ARFGEF1: variants seen among roughly 807,000 people sequenced by gnomAD.
ARFGEF1 encodes brefeldin A-inhibited guanine nucleotide-exchange protein 1.
In ARFGEF1, 42 loss-of-function variants were observed where a neutral mutation model predicts 231.0. The ratio of observed to expected loss-of-function variants is 0.18; its 90% CI spans 0.14 to 0.24. The LOEUF (loss-of-function observed/expected upper bound fraction) is 0.24. ARFGEF1 is among the 10% of genes least tolerant of loss of function. The pLI, the probability that ARFGEF1 is intolerant of heterozygous loss-of-function variation, is 1.00. For synonymous variants in ARFGEF1, 710 were observed against 732.3 expected (o/e 0.97, Z 0.49); for missense variants, 1,345 against 2,192.0 (o/e 0.61, Z 7.72).
At chr8:67,337,700 C>T (rs1808412765) in intron 1 of ARFGEF1, among the ~76,000 whole-genome samples, 1 of 152,194 alleles carries the variant, frequency 6.6e-6, no homozygotes, top group South Asian at 2.1e-4. Context: ...CCACTTATGT[C>T]ACTTCTTTGC....
At chr8:67,226,310 A>G in intron 27 of ARFGEF1, 127 bp from the exon 28 acceptor site, 1 of 865,716 alleles carries the variant, frequency 1.2e-6, no homozygotes, top group Non-Finnish European at 1.7e-6. Context: ...CATCCAACAG[A>G]TACGAAGTTC....
chr8:67,222,220 T>TACAC (rs1563846483), intron 29 of ARFGEF1, among the ~76,000 whole-genome samples: 3 of 120,820 alleles, frequency 2.5e-5, no homozygotes, highest in African/African-American at 9.8e-5. Context: ...CACATATATA[T>TACAC]ATATGTATAT....
intron 7 of ARFGEF1, among the ~76,000 whole-genome samples, chr8:67,287,371 G>A (rs1020961335): frequency 6.6e-6 from 1 of 152,186 alleles, no homozygotes; most frequent in African/African-American, 2.4e-5. Context: ...ACTTCACTGA[G>A]AGAAGACATT....
downstream of ARFGEF1, chr8:67,196,108 CTGTAATTACT>C (rs1467103604): frequency 6.5e-6 from 1 of 152,812 alleles, no homozygotes; most frequent in Non-Finnish European, 1.5e-5. Flanking sequence ...ATGAAGGGAA[CTGTAATTACT>C]TGTATTTTTG....
intron 2 of ARFGEF1, 45 bp from the exon 3 acceptor site, chr8:67,301,425 A>G (rs1299313195): frequency 5.2e-6 from 8 of 1,548,942 alleles, no homozygotes; most frequent in Non-Finnish European, 7.0e-6. Flanking sequence ...CACATTTATA[A>G]TATTGATAAT....
At chr8:67,301,107 T>TA (rs760234492) in intron 3 of ARFGEF1, 117 bp downstream of exon 3, 59 of 1,017,062 alleles carry the variant, frequency 5.8e-5, no homozygotes, top group Non-Finnish European at 7.4e-5. Context: ...TTGGATTTTT[T>TA]ACCACAAAAA....
chr8:67,226,314 G>A (rs1839369532), intron 27 of ARFGEF1, 131 bp from the exon 28 acceptor site: 5 of 820,272 alleles, frequency 6.1e-6, no homozygotes, highest in African/African-American at 1.7e-5. Flanking sequence ...CAACAGATAC[G>A]AAGTTCAAGA....
chr8:67,334,213 T>G lies in ARFGEF1; in HGVS notation c.124+8951A>C, dbSNP rs184556512. ...GTATAAGGTGGATGTGAAACATTAG[T>G]AAATTTTGTGTTTAGACTTCAATCT... On this transcript the variant is annotated intron_variant, in intron 1 of 38. Coordinates refer to ENST00000262215, the MANE Select transcript of ARFGEF1 (RefSeq NM_006421.5). 8.8e-4 allele frequency among the ~76,000 whole-genome samples: 131 copies of G among 149,218 alleles called. 1 individual carries two copies. Among genetic ancestry groups the G allele is most frequent in the African/African-American group, 3.1e-3 (127 of 40,522 alleles).
At chr8:67,333,702 C>A (rs936840565) in intron 1 of ARFGEF1, among the ~76,000 whole-genome samples, 4 of 152,126 alleles carry the variant, frequency 2.6e-5, no homozygotes, top group Non-Finnish European at 5.9e-5. Flanking sequence ...ACAGGTTGAG[C>A]ATTCCTAAAC....
At chr8:67,259,702 C>A (rs748317438) in intron 15 of ARFGEF1, 113 bp downstream of exon 15, 5 of 643,686 alleles carry the variant, frequency 7.8e-6, no homozygotes, top group Non-Finnish European at 1.3e-5. Context: ...ATTGCCTGAG[C>A]CCAGGAGTTC....
At chr8:67,295,950 T>C (rs1806214176) in intron 5 of ARFGEF1, among the ~76,000 whole-genome samples, 1 of 152,170 alleles carries the variant, frequency 6.6e-6, no homozygotes, top group African/African-American at 2.4e-5. Context: ...TTAAAAACAA[T>C]TCTCTAGTTG....
At position 67,328,356 on chromosome 8, in the gene ARFGEF1, AT is replaced by A. The variant is rs1376847645; in HGVS notation, c.124+14807del. On this transcript the variant is annotated intron_variant, in intron 1 of 38. Transcript: ENST00000262215. The stretch of plus-strand genomic sequence containing the variant: ...AATTTTTTATCTTTAATATTAAAAA[AT>A]ATTGCTAGACTGAGATTTGTAAGTC... Among the ~76,000 whole-genome samples, 5 of 152,354 alleles carry A rather than the reference AT, an allele frequency of 3.3e-5. No homozygotes were observed. In the East Asian group the frequency reaches 9.6e-4, roughly 29 times the overall value.
chr8:67,300,383 T>C (rs1449452947), intron 3 of ARFGEF1, among the ~76,000 whole-genome samples: 1 of 152,188 alleles, frequency 6.6e-6, no homozygotes, highest in Non-Finnish European at 1.5e-5. Flanking sequence ...AAATATAATA[T>C]CTATGAAGAT....
chr8:67,302,186 G>A lies in ARFGEF1; in HGVS notation c.155+250C>T, dbSNP rs552346555. Among the ~76,000 whole-genome samples, 10 of 152,106 alleles carry A rather than the reference G, an allele frequency of 6.6e-5. No individual in the cohort carries two copies. In the East Asian group the frequency reaches 1.2e-3, roughly 18 times the overall value. ...CGCACTCCAGCCTGGACAACAGAGCGAGACCCTGTCTCCAAAAAAATATAT... is the reference window on the plus strand; with the variant it reads ...CGCACTCCAGCCTGGACAACAGAGCAAGACCCTGTCTCCAAAAAAATATAT... On this transcript the variant is annotated intron_variant, in intron 2 of 38. Transcript: ENST00000262215.
chr8:67,296,654 CTT>C (rs369652334), intron 4 of ARFGEF1, 44 bp from the exon 5 acceptor site: 358 of 1,160,376 alleles, frequency 3.1e-4, no homozygotes, highest in Middle Eastern at 5.2e-4. Flanking sequence ...TTTTCTTTTT[CTT>C]TTTTTTTTTG....
intron 7 of ARFGEF1, among the ~76,000 whole-genome samples, chr8:67,286,130 G>C (rs1453974098): frequency 6.6e-6 from 1 of 152,196 alleles, no homozygotes; most frequent in Admixed American, 6.5e-5. Context: ...TCTTATTGGA[G>C]AAGATATATG....
At chr8:67,341,127 G>A (rs182159555) in intron 1 of ARFGEF1, among the ~76,000 whole-genome samples, 2 of 152,136 alleles carry the variant, frequency 1.3e-5, no homozygotes, top group East Asian at 3.9e-4. Flanking sequence ...TTTAAACCTA[G>A]GATCTCAGAC....
intron 34 of ARFGEF1, among the ~76,000 whole-genome samples, chr8:67,206,592 A>G (rs1238285276): frequency 6.6e-6 from 1 of 152,168 alleles, no homozygotes; most frequent in East Asian, 1.9e-4. Context: ...ATGTGGACAC[A>G]CTCACGGGCG....
intron 7 of ARFGEF1, 66 bp downstream of exon 7, chr8:67,287,889 C>T: frequency 9.0e-7 from 1 of 1,106,746 alleles, no homozygotes; most frequent in Non-Finnish European, 1.2e-6. Flanking sequence ...CCAGACATTA[C>T]AAAGTCTCCA....
Sources: gnomAD v4.1 joint callset for allele counts (sites outside exome capture counted in the v4.1 genomes callset) on GRCh38, gnomAD v4.1.1 for gene constraint, MANE v1.5 for transcripts, NCBI Gene and HGNC (gene_info 2026-07-23, HGNC 2026-07-21) for gene names.